The following TTC7A variants were observed in gnomAD, a reference collection of about 807,000 sequenced individuals.
TTC7A encodes the protein tetratricopeptide repeat domain 7A.
TTC7A carries 110 observed loss-of-function variants against 103.7 expected under a neutral mutation model. The ratio of observed to expected loss-of-function variants is 1.06; its 90% CI spans 0.91 to 1.24. The LOEUF (loss-of-function observed/expected upper bound fraction) is 1.24, where lower values mean the gene tolerates loss of function less well. Among genes scored for constraint, TTC7A ranks in the 50% most tolerant of loss-of-function variants. The pLI is 0.00. For synonymous variants in TTC7A, 521 were observed against 467.9 expected (o/e 1.11, Z -1.47); for missense variants, 1,340 against 1,116.3 (o/e 1.20, Z -2.86).
intron 2 of TTC7A, among the ~76,000 whole-genome samples, chr2:46,917,533 G>A (rs1668875085): frequency 6.6e-6 from 1 of 152,154 alleles, no homozygotes; most frequent in South Asian, 2.1e-4. Context: ...ATACAAATAA[G>A]ACAAATGAAG....
chr2:47,056,631 C>CA (rs544742759), intron 18 of TTC7A, among the ~76,000 whole-genome samples: 20 of 152,084 alleles, frequency 1.3e-4, no homozygotes, highest in African/African-American at 4.3e-4. Context: ...CAGGATGCCT[C>CA]AAAAAAATAA....
At chr2:46,972,635 AGGT>A (rs1457724295) in intron 3 of TTC7A, among the ~76,000 whole-genome samples, 1 of 152,168 alleles carries the variant, frequency 6.6e-6, no homozygotes, top group Admixed American at 6.5e-5. Context: ...ATTGCAAGAG[AGGT>A]GGTCAAAAGG....
intron 14 of TTC7A, among the ~76,000 whole-genome samples, chr2:47,026,266 A>G (rs1679905456): frequency 6.6e-6 from 1 of 152,210 alleles, no homozygotes; most frequent in Non-Finnish European, 1.5e-5. Context: ...TACGTAGCCC[A>G]GGATAATCAG....
chr2:46,975,437 C>G (rs776601599), intron 4 of TTC7A, among the ~76,000 whole-genome samples: 1 of 152,028 alleles, frequency 6.6e-6, no homozygotes. Context: ...ACATCCTTCC[C>G]TGCTCTCGGT....
Position 47,046,568 on chromosome 2 carries a change from A to G in TTC7A, c.1919+137A>G, listed in dbSNP as rs117470370. On this transcript the variant is annotated intron_variant, in intron 16 of 19. Transcript: ENST00000319190. Reference sequence around the variant, plus strand: ...AATGAGAGCGTGGAACTTCCTGCCCACAGAGCTTTCACATCCATAGTCCAG... The same window carrying G: ...AATGAGAGCGTGGAACTTCCTGCCCGCAGAGCTTTCACATCCATAGTCCAG... 3.6e-4 allele frequency: 244 copies of G among 682,182 alleles called. 1 individual carries two copies. In the East Asian group the frequency reaches 5.8e-3, roughly 16 times the overall value. 42.3% of individuals were successfully genotyped at this position (682,182 alleles called of 1,614,324 possible). A position where few individuals can be genotyped will look rare whatever the true frequency, so the allele number is the denominator to read the frequency against.
At chr2:46,934,417 C>A (rs1669861215) in intron 2 of TTC7A, among the ~76,000 whole-genome samples, 1 of 152,092 alleles carries the variant, frequency 6.6e-6, no homozygotes, top group Admixed American at 6.6e-5. Flanking sequence ...TGCCACCACG[C>A]CCAGCTAATT....
chr2:46,970,080 C>T (rs997351362), intron 3 of TTC7A, among the ~76,000 whole-genome samples: 3 of 152,124 alleles, frequency 2.0e-5, no homozygotes, highest in Admixed American at 2.0e-4. Context: ...GCCTCCACCT[C>T]CCGGGCTCAA....
chr2:46,974,874 G>C (rs1356971787), intron 3 of TTC7A, 99 bp from the exon 4 acceptor site: 36 of 1,515,158 alleles, frequency 2.4e-5, no homozygotes, highest in Non-Finnish European at 3.1e-5. Flanking sequence ...GCACCAGAGT[G>C]TCTGCCCCCT....
chr2:46,944,793 G>A (rs575621496), intron 1 of TTC7A, among the ~76,000 whole-genome samples: 11 of 152,168 alleles, frequency 7.2e-5, no homozygotes, highest in African/African-American at 2.7e-4. Context: ...CTCCTACCTC[G>A]GCCTCCCAAA....
Position 46,921,773 on chromosome 2 carries a change from T to TA in TTC7A, c.82+4497dup, listed in dbSNP as rs1427514202. On this transcript the variant is annotated intron_variant, in intron 2 of 20. Transcript: ENST00000409245. ...CTACCTCAGATCATCAGGCATTAGT[T>TA]AGATTCTCATAAGGAGTGTGCAACC... is the stretch of plus-strand genomic sequence containing the variant. 5.3e-5 allele frequency among the ~76,000 whole-genome samples: 8 copies of TA among 152,304 alleles called. No homozygotes were observed. The South Asian group carries it at 1.0e-3, about 20-fold the overall frequency.
At chr2:46,953,177 A>G (rs1467459916) in intron 2 of TTC7A, among the ~76,000 whole-genome samples, 1 of 152,168 alleles carries the variant, frequency 6.6e-6, no homozygotes, top group East Asian at 1.9e-4. Context: ...TTTTTGAGAC[A>G]GGGTCTCACT....
At chr2:47,070,399 A>T (rs1558651915) in intron 19 of TTC7A, among the ~76,000 whole-genome samples, 1 of 152,212 alleles carries the variant, frequency 6.6e-6, no homozygotes, top group Non-Finnish European at 1.5e-5. Context: ...GGAGGTCCAC[A>T]TCTGTGTGTG....
In TTC7A at chr2:47,046,295, G is replaced by T. The variant is rs1270453570; in HGVS notation, c.1803-20G>T. ...GGGCCCTTGCTGGGGTGTGCTGATG[G>T]CCACTCTCCGTCCCCACAGCCTGAT... On this transcript the variant is annotated intron_variant, in intron 15 of 19. Coordinates refer to ENST00000319190, the MANE Select transcript of TTC7A (RefSeq NM_020458.4). 3.1e-6 allele frequency: 5 copies of T among 1,603,284 alleles called. No homozygotes were observed. The highest frequency in any genetic ancestry group is 1.3e-5 in the African/African-American group (1 of 74,706).
intron 8 of TTC7A, among the ~76,000 whole-genome samples, chr2:46,998,797 G>A (rs969014913): frequency 2.0e-5 from 3 of 152,116 alleles, no homozygotes; most frequent in African/African-American, 7.2e-5. Context: ...GTGTGGTGTG[G>A]GGCTGCTACC....
At chr2:46,919,762 G>A (rs925405871) in intron 2 of TTC7A, among the ~76,000 whole-genome samples, 3 of 152,184 alleles carry the variant, frequency 2.0e-5, no homozygotes, top group Admixed American at 2.0e-4. Flanking sequence ...GAAAAAACAA[G>A]GGTGCGGCTT....
chr2:46,964,239 G>A (rs1024022603), intron 3 of TTC7A, among the ~76,000 whole-genome samples: 6 of 152,226 alleles, frequency 3.9e-5, no homozygotes, highest in African/African-American at 1.4e-4. Flanking sequence ...CTACAGTTGA[G>A]GGGAAGAGGT....
intron 2 of TTC7A, among the ~76,000 whole-genome samples, chr2:46,920,076 C>T (rs1007136367): frequency 4.6e-5 from 7 of 152,130 alleles, no homozygotes; most frequent in Non-Finnish European, 7.4e-5. Context: ...CATTTGATGA[C>T]CTTGTTTCTT....
chr2:46,949,529 A>G (rs1471462195), intron 1 of TTC7A, among the ~76,000 whole-genome samples: 2 of 152,176 alleles, frequency 1.3e-5, no homozygotes, highest in African/African-American at 4.8e-5. Flanking sequence ...CACTGCGCTC[A>G]CTAAACCAAG....
intron 3 of TTC7A, among the ~76,000 whole-genome samples, chr2:46,971,061 A>G (rs1422622854): frequency 6.6e-6 from 1 of 152,248 alleles, no homozygotes; most frequent in Non-Finnish European, 1.5e-5. Flanking sequence ...GCACTTTGTC[A>G]GACATGACCA....
Sources: gnomAD v4.1 joint callset for allele counts (sites outside exome capture counted in the v4.1 genomes callset) on GRCh38, gnomAD v4.1.1 for gene constraint, MANE v1.5 for transcripts, NCBI Gene and HGNC (gene_info 2026-07-23, HGNC 2026-07-21) for gene names.